CNTN4: variants seen among roughly 807,000 people sequenced by gnomAD.
CNTN4 encodes the protein contactin-4.
Under a neutral mutation model 122.5 loss-of-function variants are expected in CNTN4, and 77 were observed. That is an observed-to-expected ratio of 0.63 (90% CI 0.52 to 0.76). The LOEUF is 0.76. Among genes scored for constraint, CNTN4 ranks in the 30% least tolerant of loss-of-function variants. The pLI is 0.00. For synonymous variants in CNTN4, 512 were observed against 447.0 expected (o/e 1.15, Z -1.83); for missense variants, 1,256 against 1,259.1 (o/e 1.00, Z 0.04).
At chr3:2,470,433 A>C (rs899066457) in intron 3 of CNTN4, among the ~76,000 whole-genome samples, 16 of 152,144 alleles carry the variant, frequency 1.1e-4, no homozygotes, top group Non-Finnish European at 2.4e-4. Flanking sequence ...TCAACAGTGT[A>C]ATTTTTCTAT....
At chr3:2,263,247 G>A (rs1435890520) in intron 2 of CNTN4, among the ~76,000 whole-genome samples, 2 of 152,052 alleles carry the variant, frequency 1.3e-5, no homozygotes, top group Non-Finnish European at 2.9e-5. Flanking sequence ...ATGTGGGCAA[G>A]GACTGTGTAT....
chr3:2,793,164 C>G (rs2092065678), intron 6 of CNTN4, among the ~76,000 whole-genome samples: 1 of 152,122 alleles, frequency 6.6e-6, no homozygotes, highest in Non-Finnish European at 1.5e-5. Context: ...CAATTAGCTT[C>G]ATCCGAAATA....
intron 3 of CNTN4, among the ~76,000 whole-genome samples, chr3:2,341,883 G>T (rs2150371421): frequency 6.6e-6 from 1 of 152,288 alleles, no homozygotes. Context: ...AGAGGGCTTA[G>T]CTGAACAATA....
intron 4 of CNTN4, among the ~76,000 whole-genome samples, chr3:2,641,972 C>A (rs1296548300): frequency 1.3e-5 from 2 of 152,158 alleles, no homozygotes; most frequent in Non-Finnish European, 2.9e-5. Flanking sequence ...GGGAAGACAT[C>A]CTCCGTATTA....
rs149003960 is a variant in CNTN4, at chr3:2,601,637, C to T, written c.55+30079C>T. ...TGAAGTATAGTTTGAAGTCAGGTAGCGTGATGCCTCCCGCTTTGTTCTTTT... is the reference window on the plus strand; with the variant it reads ...TGAAGTATAGTTTGAAGTCAGGTAGTGTGATGCCTCCCGCTTTGTTCTTTT... On this transcript the variant is annotated intron_variant, in intron 4 of 24. Transcript: ENST00000418658. 1.6e-3 allele frequency among the ~76,000 whole-genome samples: 240 copies of T among 152,212 alleles called. 1 individual carries two copies. The highest frequency in any genetic ancestry group is 1.7e-3 in the Non-Finnish European group (117 of 68,012).
At chr3:2,676,754 C>G (rs1265495529) in intron 4 of CNTN4, among the ~76,000 whole-genome samples, 3 of 152,164 alleles carry the variant, frequency 2.0e-5, no homozygotes, top group Non-Finnish European at 4.4e-5. Flanking sequence ...TCCTGATGGT[C>G]TTTATACTGT....
At chr3:3,020,837 T>G (rs1698226977) in intron 14 of CNTN4, among the ~76,000 whole-genome samples, 2 of 152,242 alleles carry the variant, frequency 1.3e-5, no homozygotes, top group South Asian at 4.1e-4. Flanking sequence ...CCAAACACTT[T>G]CAGTTATTTT....
intron 13 of CNTN4, among the ~76,000 whole-genome samples, chr3:2,934,413 G>T (rs2094550299): frequency 6.6e-6 from 1 of 151,844 alleles, no homozygotes; most frequent in African/African-American, 2.4e-5. Flanking sequence ...GCTTTTGGAA[G>T]AGTTGAAATT....
chr3:2,208,569 A>G (rs560729328), intron 2 of CNTN4, among the ~76,000 whole-genome samples: 9 of 152,308 alleles, frequency 5.9e-5, no homozygotes, highest in Non-Finnish European at 1.3e-4. Flanking sequence ...GTGATAAAGG[A>G]GCAATAGAGT....
At chr3:2,805,938 G>A (rs1273831705) in intron 6 of CNTN4, among the ~76,000 whole-genome samples, 2 of 152,090 alleles carry the variant, frequency 1.3e-5, no homozygotes, top group Non-Finnish European at 2.9e-5. Flanking sequence ...GTCTCGCTCT[G>A]TCGCCCAGGC....
intron 8 of CNTN4, among the ~76,000 whole-genome samples, chr3:2,873,403 C>T (rs2093808042): frequency 6.6e-6 from 1 of 152,200 alleles, no homozygotes; most frequent in South Asian, 2.1e-4. Flanking sequence ...AAACTAGGTG[C>T]ATTCAGTCTT....
At chr3:2,119,889 T>C (rs1291870649) in intron 2 of CNTN4, among the ~76,000 whole-genome samples, 2 of 152,058 alleles carry the variant, frequency 1.3e-5, no homozygotes, top group South Asian at 2.1e-4. Context: ...ATAAACTGTA[T>C]AGGGGCTCTG....
intron 3 of CNTN4, among the ~76,000 whole-genome samples, chr3:2,384,185 G>A (rs75377641): frequency 0.012 from 1,758 of 152,178 alleles, 16 homozygotes; most frequent in Middle Eastern, 0.034. Flanking sequence ...ACCTTTAATT[G>A]CTATCATTAT....
rs375181412 is a variant in CNTN4 at position 2,577,324 on chromosome 3, G to C, written c.55+5766G>C. ...CTTTAACAGAGATGATTGGAGAGTT[G>C]ACTGTGTATGTATTAATAGATCTAT... On this transcript the variant is annotated intron_variant, in intron 4 of 24. Transcript: ENST00000418658. 2.0e-5 allele frequency among the ~76,000 whole-genome samples: 3 copies of C among 152,308 alleles called. No individual in the cohort carries two copies. The South Asian group carries it at 6.2e-4, about 32-fold the overall frequency.
intron 2 of CNTN4, among the ~76,000 whole-genome samples, chr3:2,164,724 T>C (rs2149197647): frequency 6.6e-6 from 1 of 152,312 alleles, no homozygotes; most frequent in East Asian, 1.9e-4. Flanking sequence ...GCAACATTCC[T>C]TTCAGAACTG....
At chr3:2,174,182 C>T (rs2036643017) in intron 2 of CNTN4, among the ~76,000 whole-genome samples, 1 of 152,158 alleles carries the variant, frequency 6.6e-6, no homozygotes, top group Non-Finnish European at 1.5e-5. Context: ...GAATGTATCA[C>T]TTGCTGTCTT....
intron 2 of CNTN4, among the ~76,000 whole-genome samples, chr3:2,333,481 T>C (rs955972990): frequency 1.3e-5 from 2 of 152,242 alleles, no homozygotes; most frequent in African/African-American, 4.8e-5. Context: ...ACCCTTGTTA[T>C]CAAGAGATAA....
chr3:2,598,867 C>T (rs1331240641), intron 4 of CNTN4, among the ~76,000 whole-genome samples: 1 of 151,746 alleles, frequency 6.6e-6, no homozygotes, highest in Non-Finnish European at 1.5e-5. Flanking sequence ...GAACAAATTG[C>T]CTCAAGCTCT....
Position 2,329,744 on chromosome 3 carries a change from T to A in CNTN4, c.-144-9434T>A, listed in dbSNP as rs570085781. 3.0e-4 allele frequency among the ~76,000 whole-genome samples: 46 copies of A among 152,052 alleles called. 1 individual carries two copies. Among genetic ancestry groups the A allele is most frequent in the African/African-American group, 8.7e-4 (36 of 41,482 alleles). On this transcript the variant is annotated intron_variant, in intron 2 of 24. Transcript: ENST00000418658. ...TCTGCCTTATTGAGGCATTTTTTTT[T>A]ATTAAAAACAGCCTTTGCTTTGTAC...
Sources: allele counts gnomAD v4.1 joint callset (sites outside exome capture counted in the v4.1 genomes callset), GRCh38; gene constraint gnomAD v4.1.1; transcripts MANE v1.5; gene names NCBI Gene and HGNC (gene_info 2026-07-23, HGNC 2026-07-21).